The following NDST1 variants were observed in gnomAD, a reference collection of about 807,000 sequenced individuals.
NDST1 encodes the protein bifunctional heparan sulfate N-deacetylase/N-sulfotransferase 1.
In NDST1, 35 loss-of-function variants were observed where a neutral mutation model predicts 92.8. The observed-to-expected ratio is 0.38, with a 90% CI of 0.29 to 0.50. The LOEUF is 0.50. NDST1 is among the 20% of genes least tolerant of loss of function. The probability of loss-of-function intolerance (pLI) is 0.94; values close to 1 mark genes in which losing one functional copy is unlikely to be tolerated. For missense variants in NDST1, 822 were observed against 1,182.7 expected, an observed-to-expected ratio of 0.69 and a Z score of 4.47; for synonymous variants, 493 against 500.3, an observed-to-expected ratio of 0.99 and a Z score of 0.19.
chr5:150,548,163 G>T, intron 11 of NDST1, 55 bp from the exon 12 acceptor site: 1 of 1,611,108 alleles, frequency 6.2e-7, no homozygotes, highest in Non-Finnish European at 8.5e-7. Flanking sequence ...TCCCTCTCAG[G>T]CCACTTCCTT....
chr5:150,539,655 C>T, intron 7 of NDST1: 1 of 985,370 alleles, frequency 1.0e-6, no homozygotes, highest in Non-Finnish European at 1.2e-6. Flanking sequence ...CACAGATACA[C>T]ACACATATAT....
intron 11 of NDST1, among the ~76,000 whole-genome samples, chr5:150,547,326 C>T (rs1473207818): frequency 6.6e-6 from 1 of 152,068 alleles, no homozygotes; most frequent in Non-Finnish European, 1.5e-5. Context: ...AGAAGGAGGT[C>T]GGGACGAGGA....
intron 5 of NDST1, 27 bp downstream of exon 5, chr5:150,535,048 G>A: frequency 6.2e-7 from 1 of 1,604,056 alleles, no homozygotes; most frequent in Non-Finnish European, 8.5e-7. Context: ...GCAGGGCAGA[G>A]CGGGGCGGGC....
Position 150,554,052 on chromosome 5 carries a change from G to T in NDST1, c.*720G>T, listed in dbSNP as rs764360017. The T allele has an allele frequency of 2.5e-6, 1 of 406,798 alleles. No homozygotes were observed. Among genetic ancestry groups the T allele is most frequent in the Non-Finnish European group, 4.3e-6 (1 of 230,086 alleles). The allele number at this position is 406,798 out of a possible 1,614,324, so 25.2% of individuals were successfully genotyped here. A position where few individuals can be genotyped will look rare whatever the true frequency, so the allele number is the denominator to read the frequency against. On this transcript the variant is annotated 3_prime_UTR_variant, in exon 15 of 15. Transcript: ENST00000261797. ...CCCTTTCTTCCCCCTGGGATATGAT[G>T]TGTGGTGTTTCCTGTGGTAAAAGAC... is the stretch of plus-strand genomic sequence containing the variant.
At chr5:150,537,075 C>T (rs949218344) in intron 6 of NDST1, among the ~76,000 whole-genome samples, 4 of 152,246 alleles carry the variant, frequency 2.6e-5, no homozygotes, top group African/African-American at 7.2e-5. Flanking sequence ...GGACATTTAT[C>T]GCTTCCCCAA....
Position 150,556,132 on chromosome 5 carries a change from C to G in NDST1, c.*2800C>G, listed in dbSNP as rs968591806. On this transcript the variant is annotated 3_prime_UTR_variant, in exon 15 of 15. Transcript: ENST00000261797. ...GGCCAGTCTTCAATGTCCACTAATT[C>G]ACTCTAAGCATTTGGCCAAAAAAAG... is the stretch of plus-strand genomic sequence containing the variant. 2.6e-5 allele frequency: 4 copies of G among 152,218 alleles called. No individual in the cohort carries two copies. The highest frequency in any genetic ancestry group is 1.3e-4 in the Admixed American group (2 of 15,280). The allele number at this position is 152,218 out of a possible 1,614,324, so 9.4% of individuals were successfully genotyped here. A position where few individuals can be genotyped will look rare whatever the true frequency, so the allele number is the denominator to read the frequency against.
chr5:150,539,934 C>G (rs534977845), intron 7 of NDST1, 148 bp from the exon 8 acceptor site: 1 of 1,223,322 alleles, frequency 8.2e-7, no homozygotes, highest in African/African-American at 1.5e-5. Context: ...CAAGTACTCG[C>G]AGCGAGTTTG....
chr5:150,538,889 G>A (rs1755113984), intron 6 of NDST1, among the ~76,000 whole-genome samples: 1 of 152,244 alleles, frequency 6.6e-6, no homozygotes, highest in African/African-American at 2.4e-5. Context: ...AATGTTGCAA[G>A]GGGGCTTGCA....
Position 150,555,957 on chromosome 5 carries a change from C to T in NDST1, c.*2625C>T, listed in dbSNP as rs1288716217. ...CTTCTCCTCCCACTAACAGACCTTTCTTGAAGACCCACTAGGTCCAGACAC... is the reference window on the plus strand; with the variant it reads ...CTTCTCCTCCCACTAACAGACCTTTTTTGAAGACCCACTAGGTCCAGACAC... On this transcript the variant is annotated 3_prime_UTR_variant, in exon 15 of 15. Coordinates refer to ENST00000261797, the MANE Select transcript of NDST1 (RefSeq NM_001543.5). The T allele has an allele frequency of 6.6e-6, 1 of 152,320 alleles. No homozygotes were observed. Among genetic ancestry groups the T allele is most frequent in the African/African-American group, 2.4e-5 (1 of 41,436 alleles). 9.4% of individuals were successfully genotyped at this position (152,320 alleles called of 1,614,324 possible).
chr5:150,552,200 A>G (rs1755754321), intron 14 of NDST1, among the ~76,000 whole-genome samples: 1 of 152,120 alleles, frequency 6.6e-6, no homozygotes, highest in African/African-American at 2.4e-5. Flanking sequence ...GCGCAGTCAG[A>G]GAGGGCACAC....
At position 150,500,906 on chromosome 5, in the gene NDST1, A is replaced by T. The variant is rs77253868; in HGVS notation, c.-388+2667A>T. The stretch of plus-strand genomic sequence containing the variant: ...GTCTTCCAATGCCAGGCAAGGCCAC[A>T]CTCTTCCATCTCCACCTCCCTCTGC... On this transcript the variant is annotated intron_variant, in intron 1 of 1. Transcript: ENST00000518299. 1.2e-3 allele frequency among the ~76,000 whole-genome samples: 183 copies of T among 152,072 alleles called. 4 individuals carry two copies. In the East Asian group the frequency reaches 0.024, roughly 20 times the overall value.
chr5:150,523,521 C>T (rs1219687313), intron 2 of NDST1, among the ~76,000 whole-genome samples: 1 of 152,216 alleles, frequency 6.6e-6, no homozygotes, highest in African/African-American at 2.4e-5. Context: ...GCAATGTGTC[C>T]AAGCCTACGC....
Position 150,553,144 on chromosome 5 carries a change from C to T in NDST1, c.2530-69C>T, listed in dbSNP as rs1382756848. On this transcript the variant is annotated intron_variant, in intron 14 of 14. Transcript: ENST00000261797. The surrounding 1 kb of genome is among the most constrained non-coding windows in gnomAD (Gnocchi z 4.2). ...GCATGAGCCACCGTGCCCGGCCGAG[C>T]ATGGCGATTTTTAGAGGAGGTCACT... 14 of 1,563,896 alleles carry T rather than the reference C, an allele frequency of 9.0e-6. No homozygotes were observed. The highest frequency in any genetic ancestry group is 1.2e-5 in the Non-Finnish European group (14 of 1,143,476).
chr5:150,503,644 G>A (rs894704488), upstream of NDST1, among the ~76,000 whole-genome samples: 1 of 152,140 alleles, frequency 6.6e-6, no homozygotes, highest in African/African-American at 2.4e-5. Flanking sequence ...AGCTGTGAGT[G>A]TGGAGACTTG....
At chr5:150,499,603 C>T (rs1029454261) in intron 1 of NDST1, among the ~76,000 whole-genome samples, 1 of 152,216 alleles carries the variant, frequency 6.6e-6, no homozygotes, top group African/African-American at 2.4e-5. Flanking sequence ...TGTGTGAAAG[C>T]AGGTGTGGCC....
At chr5:150,500,276 G>C (rs1205889685) in intron 1 of NDST1, among the ~76,000 whole-genome samples, 3 of 150,512 alleles carry the variant, frequency 2.0e-5, no homozygotes, top group Non-Finnish European at 3.0e-5. Flanking sequence ...TCCCCATCCT[G>C]AGAACATTCA....
intron 1 of NDST1, among the ~76,000 whole-genome samples, chr5:150,499,255 G>A (rs1753126454): frequency 6.6e-6 from 1 of 152,204 alleles, no homozygotes; most frequent in African/African-American, 2.4e-5. Flanking sequence ...CAGACTTCTG[G>A]CTTTATTTCA....
Position 150,500,226 on chromosome 5 carries a change from G to T in NDST1, c.-388+1987G>T, listed in dbSNP as rs1031041668. ...TGCATGCAGATTGCTGCCCCCACCC[G>T]CTGCCTCCTGCTCTGATTCTTTCAT... On this transcript the variant is annotated intron_variant, in intron 1 of 1. Coordinates refer to the NDST1 transcript ENST00000518299. Among the ~76,000 whole-genome samples, 8 of 152,254 alleles carry T rather than the reference G, an allele frequency of 5.3e-5. 2 individuals are homozygous for T. The highest frequency in any genetic ancestry group is 5.2e-4 in the Admixed American group (8 of 15,304).
chr5:150,553,386 C>T lies in NDST1; in HGVS notation c.*54C>T. On this transcript the variant is annotated 3_prime_UTR_variant, in exon 15 of 15. Transcript: ENST00000261797. This position sits in a 1 kb window ranked among gnomAD's most constrained non-coding sequence, Gnocchi z 4.2. The stretch of plus-strand genomic sequence containing the variant: ...TTGTGAAAGCTGGGACATCCCACCA[C>T]ACGCTGAGCCAGACCTGCAGAGTGG... 1 of 1,599,584 alleles carries T rather than the reference C, an allele frequency of 6.3e-7. No homozygotes were observed. The highest frequency in any genetic ancestry group is 1.1e-5 in the South Asian group (1 of 90,610).
Sources: allele counts gnomAD v4.1 joint callset (sites outside exome capture counted in the v4.1 genomes callset), GRCh38; gene constraint gnomAD v4.1.1; non-coding constraint Gnocchi (gnomAD v3.1); transcripts MANE v1.5; gene names NCBI Gene and HGNC (gene_info 2026-07-23, HGNC 2026-07-21).